The following MKLN1 variants were observed in gnomAD, a reference collection of about 807,000 sequenced individuals.
MKLN1 encodes the protein muskelin 1.
A neutral mutation model predicts 99.0 loss-of-function variants in MKLN1; 18 were observed. The ratio of observed to expected loss-of-function variants is 0.18; its 90% confidence interval spans 0.13 to 0.27. The LOEUF (loss-of-function observed/expected upper bound fraction) is 0.27, where lower values mean the gene tolerates loss of function less well. Ranked by LOEUF, MKLN1 falls within the 10% of genes least tolerant of loss-of-function variation. MKLN1 has a pLI of 1.00. For missense variants in MKLN1, 621 were observed against 875.9 expected (o/e 0.71, Z 3.67); for synonymous variants, 288 against 293.2 (o/e 0.98, Z 0.18).
upstream of MKLN1, chr7:131,323,291 A>G (rs1004662668): frequency 8.5e-5 from 13 of 152,244 alleles, no homozygotes; most frequent in African/African-American, 3.1e-4. Context: ...CTGGAAGGAA[A>G]AGGAGGGTCT....
At chr7:131,379,822 A>G (rs1297378679) in intron 2 of MKLN1, among the ~76,000 whole-genome samples, 3 of 152,238 alleles carry the variant, frequency 2.0e-5, no homozygotes, top group Non-Finnish European at 4.4e-5. Context: ...TGTACCCTGT[A>G]AATATATACA....
chr7:131,347,467 T>C (rs2116750179), intron 1 of MKLN1, among the ~76,000 whole-genome samples: 1 of 152,172 alleles, frequency 6.6e-6, no homozygotes, highest in South Asian at 2.1e-4. Context: ...ACGGCAAGCA[T>C]ACCTGAACCA....
In MKLN1 at chr7:131,241,376, T is replaced by TA. The variant is rs77231529; in HGVS notation, c.-179+38416dup. Among the ~76,000 whole-genome samples, 217 of 125,386 alleles carry TA rather than the reference T, an allele frequency of 1.7e-3. 1 individual carries two copies. The highest frequency in any genetic ancestry group is 5.9e-3 in the African/African-American group (193 of 32,614). 82.3% of individuals were successfully genotyped at this position (125,386 alleles called of 152,430 possible). Reference sequence around the variant, plus strand: ...CTGGAAGACAGAAGGAGACTCTGTCTAAAAAAAAAAAAAAGAAAAAAGAAA... The same window carrying TA: ...CTGGAAGACAGAAGGAGACTCTGTCTAAAAAAAAAAAAAAAGAAAAAAGAAA... On this transcript the variant is annotated intron_variant, in intron 3 of 7. Coordinates refer to the MKLN1 transcript ENST00000416992.
rs191177780 is a variant in MKLN1, at chr7:131,211,035, C to T, written c.-179+8061C>T. 8.2e-4 allele frequency among the ~76,000 whole-genome samples: 125 copies of T among 151,850 alleles called. 2 individuals are homozygous for T. In the East Asian group the frequency reaches 0.023, roughly 28 times the overall value. On this transcript the variant is annotated intron_variant, in intron 3 of 7. Transcript: ENST00000416992. Reference sequence around the variant, plus strand: ...AGAGTATACATTTCTATGAAGATACCTTCTTACCTATATGACACAGTGTTC... The same window carrying T: ...AGAGTATACATTTCTATGAAGATACTTTCTTACCTATATGACACAGTGTTC...
chr7:131,212,865 G>C (rs1049185396), intron 3 of MKLN1, among the ~76,000 whole-genome samples: 19 of 151,604 alleles, frequency 1.3e-4, no homozygotes, highest in Non-Finnish European at 5.9e-5. Context: ...GGAGGTTGCG[G>C]TGAGCCGAGA....
In MKLN1 at chr7:131,243,137, A is replaced by G. The variant is rs559041475; in HGVS notation, c.-179+40163A>G. 2.7e-3 allele frequency: 875 copies of G among 322,666 alleles called. 2 individuals are homozygous for G. The highest frequency in any genetic ancestry group is 4.3e-3 in the Non-Finnish European group (708 of 163,764). The allele number at this position is 322,666 out of a possible 1,614,324, so 20.0% of individuals were successfully genotyped here. The stretch of plus-strand genomic sequence containing the variant: ...AATAGTCATCAAATTACATATAAAT[A>G]CGTAATCAACCAAAATTATTTTTAG... On this transcript the variant is annotated intron_variant, in intron 3 of 7. Transcript: ENST00000416992.
rs551281743 is a variant in MKLN1 at position 131,198,762 on chromosome 7, TA to T, written c.-296-4087del. On this transcript the variant is annotated intron_variant, in intron 2 of 7. Coordinates refer to the MKLN1 transcript ENST00000416992. ...AAATGACTATTATTTTCATGAATTA[TA>T]AAAAAAATTCAAACAACACAAAATA... 2.6e-4 allele frequency among the ~76,000 whole-genome samples: 40 copies of T among 151,922 alleles called. No individual in the cohort carries two copies. In the East Asian group the frequency reaches 6.6e-3, roughly 25 times the overall value.
intron 1 of MKLN1, among the ~76,000 whole-genome samples, chr7:131,135,623 G>T (rs757420532): frequency 6.6e-6 from 1 of 152,164 alleles, no homozygotes; most frequent in Non-Finnish European, 1.5e-5. Flanking sequence ...GGAAGATAAG[G>T]GTAGAAAGTG....
chr7:131,493,327 A>G lies in MKLN1; in HGVS notation c.*5599A>G, dbSNP rs929215556. The stretch of plus-strand genomic sequence containing the variant: ...GTATTAAACTTCAGGAACGAGCTAG[A>G]GAAGACAATGAGGGTATGTTAGAGA... On this transcript the variant is annotated 3_prime_UTR_variant, in exon 18 of 18. Transcript: ENST00000352689. 6.6e-6 allele frequency: 1 copy of G among 152,232 alleles called. No homozygotes were observed. Among genetic ancestry groups the G allele is most frequent in the Admixed American group, 6.5e-5 (1 of 15,288 alleles). 9.4% of individuals were successfully genotyped at this position (152,232 alleles called of 1,614,324 possible). A position where few individuals can be genotyped will look rare whatever the true frequency, so the allele number is the denominator to read the frequency against.
At chr7:131,176,268 A>G (rs1001281801) in intron 2 of MKLN1, among the ~76,000 whole-genome samples, 1 of 152,192 alleles carries the variant, frequency 6.6e-6, no homozygotes, top group Middle Eastern at 3.2e-3. Flanking sequence ...ATGGAAATCT[A>G]TCTTTCCTTT....
Position 131,414,654 on chromosome 7 carries a change from A to G in MKLN1, c.791A>G (p.Glu264Gly). 1 of 1,607,322 alleles carries G rather than the reference A, an allele frequency of 6.2e-7. No individual in the cohort carries two copies. Residue 264 changes from glutamate (E) to glycine (G), a missense_variant, in exon 8 of 18, where the codon GAA (glutamate) becomes GGA (glycine). Coordinates refer to ENST00000352689, the MANE Select transcript of MKLN1 (RefSeq NM_013255.5). ...ATTATTTCTTCTAAAGGTGATGGGG[A>G]AGATAACCGTCCAGGAATGAGAGGA... is the stretch of plus-strand genomic sequence containing the variant. Reference protein sequence around the residue: ...IIPKSTKGDGEDNRPGMRGGH... With the variant: ...IIPKSTKGDGGDNRPGMRGGH...
intron 8 of MKLN1, among the ~76,000 whole-genome samples, chr7:131,423,171 A>G (rs1795256743): frequency 6.6e-6 from 1 of 152,094 alleles, no homozygotes; most frequent in South Asian, 2.1e-4. Flanking sequence ...TTCTTTCTCA[A>G]TCAGAATAGG....
At chr7:131,262,909 T>C (rs541207551) in intron 3 of MKLN1, among the ~76,000 whole-genome samples, 8 of 151,632 alleles carry the variant, frequency 5.3e-5, no homozygotes, top group Middle Eastern at 3.4e-3. Flanking sequence ...CTCACATACA[T>C]TTTTTTTTCA....
chr7:131,347,304 C>T (rs1799591972), intron 1 of MKLN1, among the ~76,000 whole-genome samples: 1 of 152,216 alleles, frequency 6.6e-6, no homozygotes, highest in African/African-American at 2.4e-5. Flanking sequence ...CATAATTAGT[C>T]TGCATTCAGA....
rs1253609432 is a variant in MKLN1 at position 131,443,607 on chromosome 7, C to G, written c.1300C>G (p.Gln434Glu). ...QFSGLFAFNC[Q>E]CQTWKLLRED... Reference sequence around the variant, plus strand: ...CAGTGGCTTGTTTGCTTTCAACTGTCAATGTCAAACCTGGAAACTTCTTCG... The same window carrying G: ...CAGTGGCTTGTTTGCTTTCAACTGTGAATGTCAAACCTGGAAACTTCTTCG... Residue 434 changes from glutamine (Q) to glutamate (E), a missense_variant, in exon 11 of 18, where the codon CAA becomes GAA. Physicochemically the swap from Gln to Glu is conservative, Grantham distance 29. Transcript: ENST00000352689. 1.2e-6 allele frequency: 2 copies of G among 1,614,012 alleles called. No individual in the cohort carries two copies. The highest frequency in any genetic ancestry group is 1.7e-6 in the Non-Finnish European group (2 of 1,179,980).
chr7:131,199,602 G>A (rs1008551251), intron 2 of MKLN1, among the ~76,000 whole-genome samples: 1 of 152,216 alleles, frequency 6.6e-6, no homozygotes, highest in Non-Finnish European at 1.5e-5. Flanking sequence ...GAAGGTGGAT[G>A]CTACTGAGAA....
At position 131,172,968 on chromosome 7, in the gene MKLN1, T is replaced by G. The variant is rs184403323; in HGVS notation, c.-296-29889T>G. Among the ~76,000 whole-genome samples, 42 of 152,328 alleles carry G rather than the reference T, an allele frequency of 2.8e-4. No individual in the cohort carries two copies. In the East Asian group the frequency reaches 8.1e-3, roughly 29 times the overall value. ...CTGAGTCAAATTTGTAGAAGTTGATTAAAAATTACTTGATTTAAACAAATG... is the reference window on the plus strand; with the variant it reads ...CTGAGTCAAATTTGTAGAAGTTGATGAAAAATTACTTGATTTAAACAAATG... On this transcript the variant is annotated intron_variant, in intron 2 of 7. Coordinates refer to the MKLN1 transcript ENST00000416992.
intron 3 of MKLN1, among the ~76,000 whole-genome samples, chr7:131,296,375 A>C (rs1018502508): frequency 6.6e-6 from 1 of 152,206 alleles, no homozygotes; most frequent in East Asian, 1.9e-4. Context: ...AGGATGATAT[A>C]TATTATTTGC....
At chr7:131,309,034 A>G (rs1212638660) in intron 3 of MKLN1, among the ~76,000 whole-genome samples, 3 of 152,310 alleles carry the variant, frequency 2.0e-5, no homozygotes, top group Non-Finnish European at 4.4e-5. Flanking sequence ...ATGATGATCC[A>G]TTGTCCAGTT....
Sources: gnomAD v4.1 joint callset for allele counts (sites outside exome capture counted in the v4.1 genomes callset) on GRCh38, gnomAD v4.1.1 for gene constraint, MANE v1.5 for transcripts, NCBI Gene and HGNC (gene_info 2026-07-23, HGNC 2026-07-21) for gene names.